The following ACTR10 variants were observed in gnomAD, a reference collection of about 807,000 sequenced individuals.
ACTR10 encodes the protein actin-related protein 10.
Under a neutral mutation model 56.2 loss-of-function variants are expected in ACTR10, and 43 were observed. That is an observed-to-expected ratio of 0.77 (90% CI 0.60 to 0.99). The LOEUF (loss-of-function observed/expected upper bound fraction) is 0.99. Ranked by LOEUF, ACTR10 falls within the 50% of genes least tolerant of loss-of-function variation. The pLI is 0.00. For missense variants in ACTR10, 466 were observed against 507.8 expected, an observed-to-expected ratio of 0.92 and a Z score of 0.79; for synonymous variants, 170 against 176.3, an observed-to-expected ratio of 0.96 and a Z score of 0.28.
chr14:58,223,251 C>G (rs1889320353), intron 8 of ACTR10, among the ~76,000 whole-genome samples: 1 of 152,150 alleles, frequency 6.6e-6, no homozygotes, highest in Admixed American at 6.5e-5. Context: ...ATTCTCCTGC[C>G]TCCTCCTCCG....
At chr14:58,214,975 G>A (rs541371088) in intron 6 of ACTR10, among the ~76,000 whole-genome samples, 10 of 151,284 alleles carry the variant, frequency 6.6e-5, no homozygotes, top group African/African-American at 1.9e-4. Flanking sequence ...GCATGGTGGC[G>A]GGCACCTGTA....
chr14:58,220,017 G>T (rs1367591096), intron 8 of ACTR10, among the ~76,000 whole-genome samples: 1 of 152,102 alleles, frequency 6.6e-6, no homozygotes, highest in Non-Finnish European at 1.5e-5. Flanking sequence ...CAGTTAAATT[G>T]CTTAAGAAAG....
chr14:58,207,576 C>T (rs571689548), intron 2 of ACTR10, among the ~76,000 whole-genome samples: 109 of 152,266 alleles, frequency 7.2e-4, no homozygotes, highest in African/African-American at 2.5e-3. Flanking sequence ...CCATCCACCT[C>T]GGCCTCCCAA....
At chr14:58,225,290 A>G (rs145954554) in intron 10 of ACTR10, among the ~76,000 whole-genome samples, 192 of 152,312 alleles carry the variant, frequency 1.3e-3, no homozygotes, top group African/African-American at 3.7e-3. Context: ...TGATGATCCA[A>G]TATAAGTTGT....
intron 2 of ACTR10, among the ~76,000 whole-genome samples, chr14:58,206,689 A>G (rs759695503): frequency 6.6e-6 from 1 of 152,198 alleles, no homozygotes; most frequent in Non-Finnish European, 1.5e-5. Context: ...CCATTGTTAT[A>G]TATTAGCATT....
At chr14:58,230,064 T>C (rs1889493969) in intron 10 of ACTR10, among the ~76,000 whole-genome samples, 1 of 152,174 alleles carries the variant, frequency 6.6e-6, no homozygotes, top group Non-Finnish European at 1.5e-5. Context: ...TAGAATACTA[T>C]TTCTTTTCTC....
chr14:58,213,090 C>G (rs1889042238), intron 5 of ACTR10: 1 of 152,216 alleles, frequency 6.6e-6, no homozygotes, highest in Admixed American at 6.5e-5. Flanking sequence ...TGCACTCCAG[C>G]CTGGGCTACA....
At chr14:58,224,989 CAA>C (rs60590419) in intron 10 of ACTR10, among the ~76,000 whole-genome samples, 3 of 124,138 alleles carry the variant, frequency 2.4e-5, no homozygotes, top group Non-Finnish European at 5.2e-5. Flanking sequence ...AACTCCATCT[CAA>C]AAAAAAAAAA....
At chr14:58,222,810 C>T (rs1165493698) in intron 8 of ACTR10, among the ~76,000 whole-genome samples, 3 of 148,250 alleles carry the variant, frequency 2.0e-5, no homozygotes. Flanking sequence ...TCTGACCAAC[C>T]AACATTTTTA....
Position 58,223,285 on chromosome 14 carries a change from C to T in ACTR10, c.635-337C>T, listed in dbSNP as rs184578874. Among the ~76,000 whole-genome samples the T allele has an allele frequency of 5.7e-3, 871 of 152,084 alleles. 13 individuals are homozygous for T. Among genetic ancestry groups the T allele is most frequent in the African/African-American group, 0.02 (840 of 41,518 alleles). ...CGGAGCAGCTGGGATTACAGGCACC[C>T]GCCACCACGCCCGGCTAATTTTTTG... On this transcript the variant is annotated intron_variant, in intron 8 of 12. Coordinates refer to ENST00000254286, the MANE Select transcript of ACTR10 (RefSeq NM_018477.3).
rs1433728512 is a variant in ACTR10 at position 58,234,363 on chromosome 14, C to T, written c.1073-7C>T. On this transcript the variant is annotated splice_polypyrimidine_tract_variant and splice_region_variant and intron_variant, in intron 12 of 12. Coordinates refer to ENST00000254286, the MANE Select transcript of ACTR10 (RefSeq NM_018477.3). ...TCTTAGCTATAAAAAATATTTTTGT[C>T]ACACAGGGGCTATTTTTGGAGCATT... 6.6e-7 allele frequency: 1 copy of T among 1,521,988 alleles called. No individual in the cohort carries two copies. Among genetic ancestry groups the T allele is most frequent in the Non-Finnish European group, 8.8e-7 (1 of 1,130,188 alleles). The allele number at this position is 1,521,988 out of a possible 1,614,324, so 94.3% of individuals were successfully genotyped here.
intron 8 of ACTR10, among the ~76,000 whole-genome samples, chr14:58,220,114 T>TA (rs1889228441): frequency 1.3e-5 from 2 of 152,354 alleles, no homozygotes; most frequent in South Asian, 4.1e-4. Flanking sequence ...ACCAAAGTAC[T>TA]ACACAGTACA....
intron 2 of ACTR10, chr14:58,207,312 A>C (rs938981498): frequency 7.3e-6 from 1 of 137,680 alleles, no homozygotes; most frequent in Admixed American, 7.8e-5. Flanking sequence ...AAGTGCTGGA[A>C]ATTTGTTTGT....
chr14:58,227,415 G>A (rs1325075825), intron 10 of ACTR10, among the ~76,000 whole-genome samples: 1 of 152,142 alleles, frequency 6.6e-6, no homozygotes, highest in South Asian at 2.1e-4. Flanking sequence ...GACTTTTACA[G>A]TTGTCTCACC....
chr14:58,215,069 T>C, intron 6 of ACTR10, 136 bp from the exon 7 acceptor site: 1 of 523,022 alleles, frequency 1.9e-6, no homozygotes. Context: ...TTGCGCCACT[T>C]CACTCCAGCC....
At chr14:58,214,963 G>A (rs1050508442) in intron 6 of ACTR10, among the ~76,000 whole-genome samples, 6 of 151,392 alleles carry the variant, frequency 4.0e-5, no homozygotes, top group Admixed American at 6.6e-5. Flanking sequence ...AAACTTAGCC[G>A]GGCATGGTGG....
intron 8 of ACTR10, among the ~76,000 whole-genome samples, chr14:58,222,391 G>C (rs933588779): frequency 2.6e-5 from 4 of 152,190 alleles, no homozygotes; most frequent in Admixed American, 6.5e-5. Flanking sequence ...AAGTGGTAGT[G>C]TTGGGGTGTG....
At chr14:58,202,759 G>A in intron 1 of ACTR10, 96 bp from the exon 2 acceptor site, 1 of 808,316 alleles carries the variant, frequency 1.2e-6, no homozygotes, top group Non-Finnish European at 2.0e-6. Context: ...ATGTTATTGT[G>A]GCCATTGTTT....
In ACTR10 at chr14:58,200,234, G is replaced by T. The variant is rs750376218; in HGVS notation, c.17G>T (p.Gly6Val). The T allele has an allele frequency of 2.0e-6, 3 of 1,530,854 alleles. No individual in the cohort carries two copies. The highest frequency in any genetic ancestry group is 1.7e-4 in the Middle Eastern group (1 of 5,808). The allele number at this position is 1,530,854 out of a possible 1,614,324, so 94.8% of individuals were successfully genotyped here. MPLYEGLGSGGEKTAV... is the reference protein window; with the variant it reads MPLYEVLGSGGEKTAV... The stretch of plus-strand genomic sequence containing the variant: ...CTTACTACCATGCCGCTCTACGAGG[G>T]CCTGGGGAGCGGCGGGGAGAAGACG... Residue 6 changes from glycine (G) to valine (V), a missense_variant, in exon 1 of 13, where the codon GGC becomes GTC. Transcript: ENST00000254286.
Sources: allele counts gnomAD v4.1 joint callset (sites outside exome capture counted in the v4.1 genomes callset), GRCh38; gene constraint gnomAD v4.1.1; transcripts MANE v1.5; gene names NCBI Gene and HGNC (gene_info 2026-07-23, HGNC 2026-07-21).